The following HMCN1 variants were observed in gnomAD, a reference collection of about 807,000 sequenced individuals.
The protein encoded by HMCN1 is hemicentin-1.
HMCN1 carries 321 observed loss-of-function variants against 625.9 expected under a neutral mutation model. The observed-to-expected ratio is 0.51, with a 90% CI of 0.47 to 0.56. The LOEUF is 0.56. Ranked by LOEUF, HMCN1 falls within the 20% of genes least tolerant of loss-of-function variation. The pLI is 0.00. For missense variants in HMCN1, 6,588 were observed against 6,887.3 expected, an observed-to-expected ratio of 0.96 and a Z score of 1.54; for synonymous variants, 2,425 against 2,417.6, an observed-to-expected ratio of 1.00 and a Z score of -0.09.
chr1:186,145,329 T>A, intron 91 of HMCN1, 74 bp from the exon 92 acceptor site: 1 of 1,424,096 alleles, frequency 7.0e-7, no homozygotes, highest in Non-Finnish European at 9.5e-7. Flanking sequence ...TTAATACTTT[T>A]TGGATGAATG....
chr1:186,189,053 A>T (rs1653541933), intron 106 of HMCN1, among the ~76,000 whole-genome samples: 1 of 152,208 alleles, frequency 6.6e-6, no homozygotes, highest in Admixed American at 6.5e-5. Flanking sequence ...CTCACCAGAA[A>T]TCCTAATTGA....
chr1:186,112,722 T>C, intron 71 of HMCN1, 90 bp from the exon 72 acceptor site: 1 of 1,491,544 alleles, frequency 6.7e-7, no homozygotes, highest in Non-Finnish European at 9.2e-7. Context: ...AGGTCCACAG[T>C]TCACTATACT....
chr1:185,922,500 G>T lies in HMCN1; in HGVS notation c.1021+1G>T. 6.2e-7 allele frequency: 1 copy of T among 1,608,324 alleles called. No individual in the cohort carries two copies. Among genetic ancestry groups the T allele is most frequent in the Non-Finnish European group, 8.5e-7 (1 of 1,176,476 alleles). ...AAAACAGTCAGCAGACCAGTGCAAGGTTTGTATGTGCATATTATTTAAATT... is the reference window on the plus strand; with the variant it reads ...AAAACAGTCAGCAGACCAGTGCAAGTTTTGTATGTGCATATTATTTAAATT... On this transcript the variant is annotated splice_donor_variant, in intron 7 of 106. Coordinates refer to ENST00000271588, the MANE Select transcript of HMCN1 (RefSeq NM_031935.3). LOFTEE classifies it high-confidence loss of function.
intron 49 of HMCN1, among the ~76,000 whole-genome samples, chr1:186,066,863 T>C (rs577153013): frequency 6.6e-6 from 1 of 152,258 alleles, no homozygotes; most frequent in African/African-American, 2.4e-5. Flanking sequence ...CATATTCTCT[T>C]CAAGTAATAC....
At chr1:186,094,416 T>G (rs767557588) in intron 67 of HMCN1, 43 bp downstream of exon 67, 1 of 1,415,684 alleles carries the variant, frequency 7.1e-7, no homozygotes, top group East Asian at 2.3e-5. Flanking sequence ...CTATGTCAAG[T>G]ATTAAGCAAC....
intron 2 of HMCN1, among the ~76,000 whole-genome samples, chr1:185,854,128 C>G (rs1460374284): frequency 6.6e-6 from 1 of 151,830 alleles, no homozygotes; most frequent in Non-Finnish European, 1.5e-5. Flanking sequence ...GACAGGATTC[C>G]TAGAGAAAAC....
At chr1:186,176,498 G>GA (rs1290395999) in intron 103 of HMCN1, among the ~76,000 whole-genome samples, 2 of 152,174 alleles carry the variant, frequency 1.3e-5, no homozygotes, top group Non-Finnish European at 2.9e-5. Context: ...ATTCCCATAT[G>GA]ATCTTTTTTG....
intron 100 of HMCN1, among the ~76,000 whole-genome samples, chr1:186,169,852 C>T (rs1225872651): frequency 6.6e-6 from 1 of 152,090 alleles, no homozygotes; most frequent in Non-Finnish European, 1.5e-5. Context: ...AACTAAAGAG[C>T]TTCTGCACAG....
In HMCN1 at chr1:186,189,702, G is replaced by C. The variant is rs778512757; in HGVS notation, c.16732G>C (p.Val5578Leu). ...TFLMVDEEQT[V>L]PFALRDENLK... ...CCTCATGGTAGATGAGGAACAGACT[G>C]TTCCTTTTGCCTTGAGGGATGAAAA... The change falls in exon 107 of 107, where the codon GTT becomes CTT. Residue 5578 changes from valine (V) to leucine (L), a missense_variant. Coordinates refer to ENST00000271588, the MANE Select transcript of HMCN1 (RefSeq NM_031935.3). The C allele has an allele frequency of 6.2e-7, 1 of 1,613,362 alleles. No individual in the cohort carries two copies. The highest frequency in any genetic ancestry group is 2.2e-5 in the East Asian group (1 of 44,834).
intron 36 of HMCN1, 143 bp downstream of exon 36, chr1:186,023,296 T>G: frequency 1.4e-6 from 1 of 721,180 alleles, no homozygotes; most frequent in Middle Eastern, 3.8e-4. Context: ...GGGTTTTTTT[T>G]TTTTTTTTAC....
chr1:185,992,159 A>G (rs1489567903), intron 22 of HMCN1, among the ~76,000 whole-genome samples: 1 of 152,002 alleles, frequency 6.6e-6, no homozygotes, highest in Non-Finnish European at 1.5e-5. Context: ...TTTATTTTTG[A>G]TAATAATCTT....
At chr1:186,158,528 G>A (rs1409449342) in intron 97 of HMCN1, among the ~76,000 whole-genome samples, 3 of 152,194 alleles carry the variant, frequency 2.0e-5, no homozygotes, top group African/African-American at 2.4e-5. Context: ...TGTCCTGAAT[G>A]GTAATGCCTA....
At chr1:185,894,742 G>A (rs1665385660) in intron 4 of HMCN1, among the ~76,000 whole-genome samples, 1 of 152,076 alleles carries the variant, frequency 6.6e-6, no homozygotes, top group Admixed American at 6.5e-5. Context: ...GTTTAGAAAA[G>A]CTTCCAACAA....
intron 1 of HMCN1, among the ~76,000 whole-genome samples, chr1:185,773,669 T>A (rs1444996311): frequency 6.6e-6 from 1 of 152,156 alleles, no homozygotes; most frequent in African/African-American, 2.4e-5. Context: ...TATGATAGAA[T>A]GAGTAGAGTT....
chr1:186,101,981 G>A (rs1314378709), intron 68 of HMCN1, among the ~76,000 whole-genome samples: 1 of 152,110 alleles, frequency 6.6e-6, no homozygotes, highest in East Asian at 1.9e-4. Context: ...TGGTACTTGG[G>A]CATTCTCAGT....
At chr1:185,845,223 C>A (rs1313006143) in intron 1 of HMCN1, among the ~76,000 whole-genome samples, 1 of 152,038 alleles carries the variant, frequency 6.6e-6, no homozygotes, top group Non-Finnish European at 1.5e-5. Context: ...CTTTTTCTTT[C>A]TTTTCTTTTT....
intron 11 of HMCN1, among the ~76,000 whole-genome samples, chr1:185,955,431 C>T (rs946899811): frequency 3.3e-5 from 5 of 152,248 alleles, no homozygotes; most frequent in Middle Eastern, 3.4e-3. Context: ...TATGTATCTT[C>T]AAAGAATAAG....
intron 1 of HMCN1, among the ~76,000 whole-genome samples, chr1:185,796,550 T>C (rs1277272735): frequency 1.3e-5 from 2 of 152,262 alleles, no homozygotes; most frequent in East Asian, 1.9e-4. Context: ...ATTTCACTTA[T>C]GATAAGGGCC....
At chr1:186,182,091 C>G in intron 104 of HMCN1, 77 bp from the exon 105 acceptor site, 1 of 1,545,122 alleles carries the variant, frequency 6.5e-7, no homozygotes, top group South Asian at 1.1e-5. Context: ...ATATCAACAA[C>G]TTGATGAGAG....
Sources: allele counts gnomAD v4.1 joint callset (sites outside exome capture counted in the v4.1 genomes callset), GRCh38; gene constraint gnomAD v4.1.1; transcripts MANE v1.5; gene names NCBI Gene and HGNC (gene_info 2026-07-23, HGNC 2026-07-21).